Variants in ATXN8OS observed in about 807,000 individuals in gnomAD.
The protein encoded by ATXN8OS is ATXN8 opposite strand lncRNA, also known as ATXN8 opposite strand (non-protein coding).
chr13:70,161,746 A>G (rs989270062), intron 4 of ATXN8OS, among the ~76,000 whole-genome samples: 3 of 140,690 alleles, frequency 2.1e-5, no homozygotes, highest in Admixed American at 7.8e-5. Context: ...TAGTTATGGT[A>G]TAAGTATTTG....
intron 1 of ATXN8OS, among the ~76,000 whole-genome samples, chr13:70,114,845 GT>G (rs1378715648): frequency 1.3e-5 from 2 of 151,968 alleles, no homozygotes; most frequent in Non-Finnish European, 2.9e-5. Flanking sequence ...TATATTAATT[GT>G]TTTAGATACT....
chr13:70,159,097 T>G (rs375834137), intron 4 of ATXN8OS, among the ~76,000 whole-genome samples: 1 of 152,130 alleles, frequency 6.6e-6, no homozygotes, highest in Non-Finnish European at 1.5e-5. Flanking sequence ...CATTACTAGA[T>G]AATACTATAG....
At chr13:70,117,219 C>T (rs543377862) in intron 2 of ATXN8OS, among the ~76,000 whole-genome samples, 2 of 152,174 alleles carry the variant, frequency 1.3e-5, no homozygotes, top group African/African-American at 4.8e-5. Context: ...CTCTCTCCTT[C>T]TCTCTCACAC....
At chr13:70,146,075 A>C (rs11148836) in intron 3 of ATXN8OS, among the ~76,000 whole-genome samples, 17,178 of 121,976 alleles carry the variant, frequency 0.14, 1,328 homozygotes, top group East Asian at 0.4. Flanking sequence ...AGAAAAAAAA[A>C]AAACAACCCC....
chr13:70,141,018 T>C (rs1437364554), intron 3 of ATXN8OS, among the ~76,000 whole-genome samples: 1 of 152,180 alleles, frequency 6.6e-6, no homozygotes, highest in East Asian at 1.9e-4. Context: ...CATTTACTTG[T>C]AGTCTGAACA....
chr13:70,167,758 CAG>C (rs1491039720), intron 4 of ATXN8OS, among the ~76,000 whole-genome samples: 1 of 96,374 alleles, frequency 1.0e-5, no homozygotes, highest in Non-Finnish European at 1.8e-5. Context: ...TTGAGACAGA[CAG>C]AGTCTCGCTC....
chr13:70,112,916 T>TAC (rs1319915080), intron 1 of ATXN8OS, among the ~76,000 whole-genome samples: 2 of 64,464 alleles, frequency 3.1e-5, no homozygotes, highest in East Asian at 7.5e-4. Flanking sequence ...ACTTTATATA[T>TAC]ATAATTTTTT....
Position 70,139,383 on chromosome 13 carries a change from A to ACTACTACTACTGCTGCTGCTG in ATXN8OS, n.500-7970_500-7969insACTACTACTGCTGCTGCTGCT. 92 of 458,336 alleles carry ACTACTACTACTGCTGCTGCTG rather than the reference A, an allele frequency of 2.0e-4. 2 individuals are homozygous for ACTACTACTACTGCTGCTGCTG. In the South Asian group the frequency reaches 2.0e-3, roughly 10 times the overall value. 28.4% of individuals were successfully genotyped at this position (458,336 alleles called of 1,614,324 possible). ...TACTACTACTACTACTACTACTACTACTGCTGCTGCTGCTGCTGCTGCTGC... is the reference window on the plus strand; with the variant it reads ...TACTACTACTACTACTACTACTACTACTACTACTACTGCTGCTGCTGCTGCTGCTGCTGCTGCTGCTGCTGC... On this transcript the variant is annotated intron_variant and non_coding_transcript_variant, in intron 3 of 4. Transcript: ENST00000678624.
intron 3 of ATXN8OS, among the ~76,000 whole-genome samples, chr13:70,143,972 T>C (rs1888749114): frequency 6.6e-6 from 1 of 152,132 alleles, no homozygotes; most frequent in Non-Finnish European, 1.5e-5. Context: ...GGTATGTAAA[T>C]TAAAAGATTA....
At chr13:70,133,164 G>A (rs376846189) in intron 3 of ATXN8OS, among the ~76,000 whole-genome samples, 16 of 152,340 alleles carry the variant, frequency 1.1e-4, no homozygotes, top group African/African-American at 3.8e-4. Flanking sequence ...CTAGCACTTT[G>A]TGGGGCTGAG....
intron 3 of ATXN8OS, among the ~76,000 whole-genome samples, chr13:70,134,997 T>TG (rs1264527020): frequency 6.6e-6 from 1 of 152,184 alleles, no homozygotes; most frequent in African/African-American, 2.4e-5. Flanking sequence ...TCAGGCCCAG[T>TG]GCCCATTCCT....
chr13:70,154,546 T>C (rs535969452), intron 4 of ATXN8OS, among the ~76,000 whole-genome samples: 1 of 152,182 alleles, frequency 6.6e-6, no homozygotes, highest in Non-Finnish European at 1.5e-5. Context: ...AGGCGGGAAA[T>C]TAAAGAAAGA....
At position 70,118,650 on chromosome 13, in the gene ATXN8OS, A is replaced by T. The variant is rs796713578; in HGVS notation, n.398+3352A>T. 1.2e-4 allele frequency among the ~76,000 whole-genome samples: 18 copies of T among 152,210 alleles called. 1 individual carries two copies. The highest frequency in any genetic ancestry group is 3.6e-4 in the African/African-American group (15 of 41,550). ...AGGCTATCAGTAAGCTAACTTTTCT[A>T]CACTTATGTTATTTTTATGACTATC... is the stretch of plus-strand genomic sequence containing the variant. On this transcript the variant is annotated intron_variant and non_coding_transcript_variant, in intron 2 of 4. Coordinates refer to ENST00000678624, the Ensembl canonical transcript of ATXN8OS.
intron 3 of ATXN8OS, among the ~76,000 whole-genome samples, chr13:70,132,564 C>T (rs1888548998): frequency 6.6e-6 from 1 of 151,980 alleles, no homozygotes; most frequent in South Asian, 2.1e-4. Context: ...CCTTAGCATA[C>T]ACAATATACC....
intron 3 of ATXN8OS, among the ~76,000 whole-genome samples, chr13:70,141,532 G>A (rs1331790628): frequency 6.6e-6 from 1 of 151,896 alleles, no homozygotes; most frequent in Admixed American, 6.6e-5. Flanking sequence ...TATCCCCTGG[G>A]AAAAAGAAAA....
Position 70,146,597 on chromosome 13 carries a change from A to T in ATXN8OS, n.500-758A>T, listed in dbSNP as rs544906640. The stretch of plus-strand genomic sequence containing the variant: ...TACTATGCAGCCATAAAAAATGATG[A>T]GTTCATGTCCTTTGTAGGGACATGG... On this transcript the variant is annotated intron_variant and non_coding_transcript_variant, in intron 3 of 4. Coordinates refer to ENST00000678624, the Ensembl canonical transcript of ATXN8OS. 2.7e-3 allele frequency among the ~76,000 whole-genome samples: 417 copies of T among 152,262 alleles called. 6 individuals carry two copies. Among genetic ancestry groups the T allele is most frequent in the Admixed American group, 0.026 (395 of 15,290 alleles).
exon 5 of ATXN8OS, among the ~76,000 whole-genome samples, chr13:70,170,744 G>A (rs1566624138): frequency 6.6e-6 from 1 of 152,072 alleles, no homozygotes; most frequent in Non-Finnish European, 1.5e-5. Flanking sequence ...ATCATTTAAC[G>A]ACAACGATAT....
At position 70,113,110 on chromosome 13, in the gene ATXN8OS, C is replaced by T. The variant is rs146939557; in HGVS notation, n.241-2031C>T. The stretch of plus-strand genomic sequence containing the variant: ...CTAATTTTCGTATTTTTAGTAGAGA[C>T]GGGGTTTCACCATATTGGCCAGGTT... On this transcript the variant is annotated intron_variant and non_coding_transcript_variant, in intron 1 of 4. Coordinates refer to ENST00000678624, the Ensembl canonical transcript of ATXN8OS. Among the ~76,000 whole-genome samples the T allele has an allele frequency of 4.9e-3, 736 of 151,266 alleles. 7 individuals carry two copies. Among genetic ancestry groups the T allele is most frequent in the African/African-American group, 0.016 (652 of 41,282 alleles).
At chr13:70,146,525 C>A (rs573395773) in intron 3 of ATXN8OS, among the ~76,000 whole-genome samples, 1 of 152,206 alleles carries the variant, frequency 6.6e-6, no homozygotes, top group African/African-American at 2.4e-5. Context: ...AAATGTCCAA[C>A]AACGATAGAC....
Sources: gnomAD v4.1 joint callset for allele counts (sites outside exome capture counted in the v4.1 genomes callset) on GRCh38, gnomAD v4.1.1 for gene constraint, MANE v1.5 for transcripts, NCBI Gene and HGNC (gene_info 2026-07-23, HGNC 2026-07-21) for gene names.